COL6A6: variants seen among roughly 807,000 people sequenced by gnomAD.
The protein encoded by COL6A6 is collagen alpha-6(VI) chain.
COL6A6 carries 183 observed loss-of-function variants against 208.6 expected under a neutral mutation model. The observed-to-expected ratio is 0.88, with a 90% CI of 0.78 to 0.99. The LOEUF (loss-of-function observed/expected upper bound fraction) is 0.99. Ranked by LOEUF, COL6A6 falls within the 50% of genes least tolerant of loss-of-function variation. COL6A6 has a pLI of 0.00. For missense variants in COL6A6, 2,816 were observed against 2,815.2 expected (o/e 1.00, Z -0.01); for synonymous variants, 973 against 1,011.8 (o/e 0.96, Z 0.73).
chr3:130,580,012 C>T (rs2107992768), intron 8 of COL6A6, among the ~76,000 whole-genome samples: 1 of 152,290 alleles, frequency 6.6e-6, no homozygotes, highest in African/African-American at 2.4e-5. Flanking sequence ...GCAATCTAGA[C>T]AAAAATTTAA....
chr3:130,599,408 A>G (rs1362287240), intron 19 of COL6A6, among the ~76,000 whole-genome samples: 4 of 152,162 alleles, frequency 2.6e-5, no homozygotes, highest in African/African-American at 9.7e-5. Flanking sequence ...AATCCAAACC[A>G]GTAGTAGCCA....
At chr3:130,659,167 T>C (rs913837763) in intron 34 of COL6A6, among the ~76,000 whole-genome samples, 1 of 152,198 alleles carries the variant, frequency 6.6e-6, no homozygotes, top group Non-Finnish European at 1.5e-5. Flanking sequence ...CCTACCTGCT[T>C]AGGAATATTT....
At chr3:130,616,651 T>C (rs2064536346) in intron 23 of COL6A6, among the ~76,000 whole-genome samples, 1 of 151,854 alleles carries the variant, frequency 6.6e-6, no homozygotes. Flanking sequence ...TCTTAGTGAA[T>C]GAATCACTAG....
upstream of COL6A6, among the ~76,000 whole-genome samples, chr3:130,516,849 T>C (rs916287477): frequency 2.6e-5 from 4 of 152,122 alleles, no homozygotes; most frequent in African/African-American, 9.7e-5. Flanking sequence ...GTTCCAACGG[T>C]AGGAGCAGAG....
chr3:130,551,018 C>G lies in COL6A6; in HGVS notation c.-31-9316C>G, dbSNP rs1577676185. Among the ~76,000 whole-genome samples the G allele has an allele frequency of 2.0e-5, 3 of 152,252 alleles. No homozygotes were observed. The East Asian group carries it at 5.8e-4, about 29-fold the overall frequency. On this transcript the variant is annotated intron_variant, in intron 1 of 36. Transcript: ENST00000358511. ...ATCCCAGAGATAAAGTCCACTTGAT[C>G]ATCATGGTGGATTAGCTTTTTCATG... is the stretch of plus-strand genomic sequence containing the variant.
intron 8 of COL6A6, among the ~76,000 whole-genome samples, chr3:130,575,220 A>G (rs1049018350): frequency 1.3e-5 from 2 of 152,158 alleles, no homozygotes; most frequent in African/African-American, 4.8e-5. Context: ...TCCCTGCTCT[A>G]TGGCCATTTT....
Position 130,635,779 on chromosome 3 carries a change from C to A in COL6A6, c.5091+18C>A. On this transcript the variant is annotated intron_variant, in intron 28 of 36. Coordinates refer to ENST00000358511, the MANE Select transcript of COL6A6 (RefSeq NM_001102608.3). ...GCAAAATGGTAAGCTTCTTAGATTC[C>A]AATTGCTGACAACCTCACTACATTG... The A allele has an allele frequency of 6.3e-7, 1 of 1,580,502 alleles. No individual in the cohort carries two copies.
At chr3:130,596,212 A>G (rs1350849337) in intron 18 of COL6A6, among the ~76,000 whole-genome samples, 1 of 152,190 alleles carries the variant, frequency 6.6e-6, no homozygotes, top group Non-Finnish European at 1.5e-5. Flanking sequence ...TTCAACTTCA[A>G]AGAATCTAAT....
In COL6A6 at chr3:130,649,298, A is replaced by T; in HGVS notation, c.5469A>T (p.Gln1823His). ...VRFSDAYKKSQLLREIETIPY... is the reference protein window; with the variant it reads ...VRFSDAYKKSHLLREIETIPY... ...TCTCAGACGCCTACAAGAAGAGTCAACTTCTCAGAGAAATTGAAACTATTC... is the reference window on the plus strand; with the variant it reads ...TCTCAGACGCCTACAAGAAGAGTCATCTTCTCAGAGAAATTGAAACTATTC... Residue 1823 changes from glutamine (Q) to histidine (H), a missense_variant, in exon 33 of 37, where the codon CAA becomes CAT. Gln to His is a conservative substitution (Grantham distance 24). Transcript: ENST00000358511. The T allele has an allele frequency of 1.9e-6, 3 of 1,606,362 alleles. No homozygotes were observed. Among genetic ancestry groups the T allele is most frequent in the Non-Finnish European group, 2.5e-6 (3 of 1,176,504 alleles).
At chr3:130,579,986 T>A (rs2063382003) in intron 8 of COL6A6, among the ~76,000 whole-genome samples, 1 of 152,230 alleles carries the variant, frequency 6.6e-6, no homozygotes, top group South Asian at 2.1e-4. Flanking sequence ...TTTACCTAAA[T>A]AAGTTTGTAC....
At chr3:130,543,997 C>G (rs914418847) in intron 1 of COL6A6, among the ~76,000 whole-genome samples, 42 of 152,152 alleles carry the variant, frequency 2.8e-4, no homozygotes, top group African/African-American at 9.9e-4. Flanking sequence ...ATTAATATAT[C>G]ATTCATCTAA....
chr3:130,638,989 G>T lies in COL6A6; in HGVS notation c.5092-2663G>T, dbSNP rs535600574. ...CTGGAAATATGTGTCCTCCAAAGAA[G>T]TGTTGGTCAATTATTTTGATGATTT... On this transcript the variant is annotated intron_variant, in intron 28 of 36. Transcript: ENST00000358511. Among the ~76,000 whole-genome samples the T allele has an allele frequency of 1.8e-3, 272 of 152,294 alleles. 1 individual carries two copies. The highest frequency in any genetic ancestry group is 3.4e-3 in the Middle Eastern group (1 of 294).
chr3:130,572,595 C>A (rs1042131390), intron 7 of COL6A6, among the ~76,000 whole-genome samples: 1 of 152,216 alleles, frequency 6.6e-6, no homozygotes, highest in Admixed American at 6.5e-5. Context: ...GGACAAATCT[C>A]TTCCTTCCTT....
At chr3:130,626,787 A>C (rs2064900558) in intron 25 of COL6A6, among the ~76,000 whole-genome samples, 1 of 152,168 alleles carries the variant, frequency 6.6e-6, no homozygotes, top group African/African-American at 2.4e-5. Context: ...AGTAAAATGA[A>C]CAAAACTTGT....
intron 20 of COL6A6, 70 bp from the exon 21 acceptor site, chr3:130,606,861 T>G: frequency 8.1e-7 from 1 of 1,237,540 alleles, no homozygotes; most frequent in Non-Finnish European, 1.2e-6. Context: ...AAGTGTCCAT[T>G]ATGAATTTAA....
At chr3:130,592,463 C>CA in intron 13 of COL6A6, 78 bp from the exon 14 acceptor site, 1 of 1,190,256 alleles carries the variant, frequency 8.4e-7, no homozygotes, top group South Asian at 1.4e-5. Flanking sequence ...TTTTTGGTAA[C>CA]AAAAAACTTG....
rs943534781 is a variant in COL6A6, at chr3:130,649,211, C to T, written c.5382C>T (p.Cys1794=). The T allele has an allele frequency of 3.3e-5, 52 of 1,592,596 alleles. No homozygotes were observed. The highest frequency in any genetic ancestry group is 4.1e-5 in the Non-Finnish European group (48 of 1,169,476). ...ACATTAAGGTCCGGGAGAACAGCTGCCCCGTGGGAGCGCACATCGCCATCC... is the reference window on the plus strand; with the variant it reads ...ACATTAAGGTCCGGGAGAACAGCTGTCCCGTGGGAGCGCACATCGCCATCC... The part of the protein sequence containing the change: ...VRDIKVRENS[C]PVGAHIAILS... Residue 1794 remains cysteine (C), a synonymous_variant, in exon 33 of 37, where the codon TGC becomes TGT. Coordinates refer to ENST00000358511, the MANE Select transcript of COL6A6 (RefSeq NM_001102608.3).
Position 130,598,427 on chromosome 3 carries a change from A to G in COL6A6, c.4596A>G (p.Arg1532=), listed in dbSNP as rs1560046686. ...CAGGCTTGAAAGGAGAACGTGGAAG[A>G]CAAGTAATTACGTGGGCTTGTAAAA... ...GPTGLKGERG[R]QGRRGWPGPP... The change falls in exon 19 of 37, where the codon AGA becomes AGG. Residue 1532 remains arginine, a synonymous_variant. Transcript: ENST00000358511. The G allele has an allele frequency of 6.5e-7, 1 of 1,547,542 alleles. No individual in the cohort carries two copies. The highest frequency in any genetic ancestry group is 8.7e-7 in the Non-Finnish European group (1 of 1,143,002).
At chr3:130,644,896 A>G in intron 31 of COL6A6, 95 bp from the exon 32 acceptor site, 2 of 1,165,752 alleles carry the variant, frequency 1.7e-6, no homozygotes, top group South Asian at 2.5e-5. Flanking sequence ...TCATCTACAA[A>G]AAGCAGACAG....
Sources: allele counts gnomAD v4.1 joint callset (sites outside exome capture counted in the v4.1 genomes callset), GRCh38; gene constraint gnomAD v4.1.1; transcripts MANE v1.5; gene names NCBI Gene and HGNC (gene_info 2026-07-23, HGNC 2026-07-21).